The following GCNT2 variants were observed in gnomAD, a reference collection of about 807,000 sequenced individuals.
The protein encoded by GCNT2 is N-acetyllactosaminide beta-1,6-N-acetylglucosaminyl-transferase.
A neutral mutation model predicts 34.2 loss-of-function variants in GCNT2; 34 were observed. That is an observed-to-expected ratio of 1.00 (90% CI 0.76 to 1.32). GCNT2 has a LOEUF of 1.32. Among genes scored for constraint, GCNT2 ranks in the 40% most tolerant of loss-of-function variants. GCNT2 has a pLI of 0.00. For synonymous variants in GCNT2, 212 were observed against 188.0 expected (o/e 1.13, Z -1.04); for missense variants, 584 against 489.4 (o/e 1.19, Z -1.82).
intron 3 of GCNT2, among the ~76,000 whole-genome samples, chr6:10,604,867 G>GAAAA (rs3064184): frequency 7.4e-5 from 11 of 147,832 alleles, no homozygotes; most frequent in African/African-American, 2.2e-4. Flanking sequence ...TCAAAAAAAA[G>GAAAA]AAAAAGAAAA....
At chr6:10,568,347 C>G (rs1395549105) in intron 3 of GCNT2, among the ~76,000 whole-genome samples, 1 of 152,184 alleles carries the variant, frequency 6.6e-6, no homozygotes, top group Non-Finnish European at 1.5e-5. Context: ...TTCCCCACTT[C>G]TGGTACCCCA....
Position 10,617,807 on chromosome 6 carries a change from T to C in GCNT2, c.926-3544T>C, listed in dbSNP as rs188056051. 2.7e-3 allele frequency among the ~76,000 whole-genome samples: 379 copies of C among 139,292 alleles called. 5 individuals are homozygous for C. Among genetic ancestry groups the C allele is most frequent in the African/African-American group, 0.01 (357 of 35,266 alleles). The allele number at this position is 139,292 out of a possible 152,430, so 91.4% of individuals were successfully genotyped here. On this transcript the variant is annotated intron_variant, in intron 3 of 4. Coordinates refer to ENST00000495262, the MANE Select transcript of GCNT2 (RefSeq NM_145649.5). ...TCTCACTCTGTTGCCCAGGCTGGAGTGCAGTGCTGCAACCTCGGCTCACTG... is the reference window on the plus strand; with the variant it reads ...TCTCACTCTGTTGCCCAGGCTGGAGCGCAGTGCTGCAACCTCGGCTCACTG...
In GCNT2 at chr6:10,530,351, C is replaced by T. The variant is rs763449193; in HGVS notation, c.925+515C>T. On this transcript the variant is annotated intron_variant, in intron 3 of 4. Transcript: ENST00000495262. ...CTGCACTCCAGCCTGGGTGACAGAT[C>T]GAGACTCCATCTCTAAATAAATAAA... 7.5e-4 allele frequency: 116 copies of T among 153,722 alleles called. 1 individual carries two copies. Among genetic ancestry groups the T allele is most frequent in the Middle Eastern group, 6.8e-3 (2 of 294 alleles). 9.5% of individuals were successfully genotyped at this position (153,722 alleles called of 1,614,324 possible). A position where few individuals can be genotyped will look rare whatever the true frequency, so the allele number is the denominator to read the frequency against.
chr6:10,526,944 T>A (rs1369190425), intron 1 of GCNT2, among the ~76,000 whole-genome samples: 2 of 152,104 alleles, frequency 1.3e-5, no homozygotes, highest in African/African-American at 4.8e-5. Flanking sequence ...GACCCCCATC[T>A]CTACAAAAGA....
At chr6:10,577,440 G>A (rs768563185) in intron 3 of GCNT2, among the ~76,000 whole-genome samples, 12 of 152,208 alleles carry the variant, frequency 7.9e-5, no homozygotes, top group African/African-American at 2.2e-4. Flanking sequence ...ATAGGTCACC[G>A]AGCAGTCTGC....
At chr6:10,544,590 C>T (rs1762181836) in intron 3 of GCNT2, among the ~76,000 whole-genome samples, 1 of 151,342 alleles carries the variant, frequency 6.6e-6, no homozygotes, top group African/African-American at 2.4e-5. Flanking sequence ...GGTGACAGAG[C>T]AAGACTCCAT....
intron 3 of GCNT2, chr6:10,586,537 C>G (rs369938064): frequency 6.2e-7 from 1 of 1,613,982 alleles, no homozygotes; most frequent in Non-Finnish European, 8.5e-7. Context: ...TCTGAGGTTC[C>G]CTGGAAGTAC....
In GCNT2 at chr6:10,573,098, T is replaced by A. The variant is rs536580659; in HGVS notation, c.925+43262T>A. 5 of 744,754 alleles carry A rather than the reference T, an allele frequency of 6.7e-6. No homozygotes were observed. The South Asian group carries it at 2.5e-4, about 37-fold the overall frequency. The allele number at this position is 744,754 out of a possible 1,614,324, so 46.1% of individuals were successfully genotyped here. A position where few individuals can be genotyped will look rare whatever the true frequency, so the allele number is the denominator to read the frequency against. On this transcript the variant is annotated intron_variant, in intron 3 of 4. Coordinates refer to ENST00000495262, the MANE Select transcript of GCNT2 (RefSeq NM_145649.5). ...TGCAAGAAATCACTGCCTATCTCTA[T>A]TTTAAGACTTTTGTTTCCATTTATT...
chr6:10,582,167 ATATTT>A (rs1261699080), intron 3 of GCNT2, among the ~76,000 whole-genome samples: 3 of 133,064 alleles, frequency 2.3e-5, no homozygotes, highest in East Asian at 2.0e-4. Flanking sequence ...TGTGTATAAA[ATATTT>A]TATATAAAAT....
chr6:10,570,271 A>G (rs970923584), intron 3 of GCNT2, among the ~76,000 whole-genome samples: 2 of 152,214 alleles, frequency 1.3e-5, no homozygotes, highest in South Asian at 4.1e-4. Flanking sequence ...AGACAAAGCA[A>G]TAAGTGGCAG....
chr6:10,617,838 T>A (rs1765859906), intron 3 of GCNT2, among the ~76,000 whole-genome samples: 2 of 141,396 alleles, frequency 1.4e-5, no homozygotes, highest in African/African-American at 2.7e-5. Flanking sequence ...CACTGCAACC[T>A]CCACCTCCCA....
At chr6:10,567,078 G>A (rs1561805440) in intron 3 of GCNT2, among the ~76,000 whole-genome samples, 1 of 152,166 alleles carries the variant, frequency 6.6e-6, no homozygotes, top group East Asian at 1.9e-4. Flanking sequence ...CAGCACTTTG[G>A]GAGGCCAAGG....
chr6:10,528,002 G>A (rs1051018864), intron 2 of GCNT2, among the ~76,000 whole-genome samples: 1 of 152,160 alleles, frequency 6.6e-6, no homozygotes, highest in Non-Finnish European at 1.5e-5. Context: ...ATCCTATGCG[G>A]ACCAGGGCAA....
chr6:10,572,397 A>C (rs1013839305), intron 3 of GCNT2, among the ~76,000 whole-genome samples: 4 of 152,172 alleles, frequency 2.6e-5, no homozygotes, highest in Non-Finnish European at 4.4e-5. Context: ...GTTTTTGAGG[A>C]GAGAGTATAG....
At chr6:10,621,568 G>A in intron 4 of GCNT2, 125 bp downstream of exon 4, 1 of 714,170 alleles carries the variant, frequency 1.4e-6, no homozygotes, top group South Asian at 1.5e-5. Flanking sequence ...GTTAGTTATT[G>A]GAGAAGCCAG....
chr6:10,564,629 C>T (rs1488739648), intron 3 of GCNT2, among the ~76,000 whole-genome samples: 2 of 152,214 alleles, frequency 1.3e-5, no homozygotes, highest in Non-Finnish European at 1.5e-5. Flanking sequence ...ATGTGAATCC[C>T]GGCTCTGTCA....
At chr6:10,536,876 C>T (rs1399284764) in intron 3 of GCNT2, among the ~76,000 whole-genome samples, 3 of 151,984 alleles carry the variant, frequency 2.0e-5, no homozygotes, top group Non-Finnish European at 4.4e-5. Flanking sequence ...GGCGATTCTA[C>T]TACCTCAGCC....
At chr6:10,598,326 T>G (rs978772981) in intron 3 of GCNT2, among the ~76,000 whole-genome samples, 4 of 152,204 alleles carry the variant, frequency 2.6e-5, no homozygotes, top group Non-Finnish European at 4.4e-5. Flanking sequence ...GGGGTATATC[T>G]CCCCTCTCAG....
rs1766280167 is a variant in GCNT2 at position 10,626,827 on chromosome 6, G to T, written c.*220G>T. On this transcript the variant is annotated 3_prime_UTR_variant, in exon 5 of 5. Transcript: ENST00000495262. ...AATCTGGGCACTTTGGCCAATTTTA[G>T]TCTTGCTGTTTCTTGATGCTCACCT... 1.8e-6 allele frequency: 1 copy of T among 563,046 alleles called. No individual in the cohort carries two copies. Among genetic ancestry groups the T allele is most frequent in the South Asian group, 2.1e-5 (1 of 48,150 alleles). The allele number at this position is 563,046 out of a possible 1,614,324, so 34.9% of individuals were successfully genotyped here.
Sources: gnomAD v4.1 joint callset for allele counts (sites outside exome capture counted in the v4.1 genomes callset) on GRCh38, gnomAD v4.1.1 for gene constraint, MANE v1.5 for transcripts, NCBI Gene and HGNC (gene_info 2026-07-23, HGNC 2026-07-21) for gene names.